PRIMA1: variants seen among roughly 807,000 people sequenced by gnomAD.
PRIMA1 encodes the protein proline rich membrane anchor 1, also known as proline-rich membrane anchor 1.
Under a neutral mutation model 17.5 loss-of-function variants are expected in PRIMA1, and 7 were observed. That is an observed-to-expected ratio of 0.40 (90% CI 0.23 to 0.75). PRIMA1 has a LOEUF of 0.75. Among genes scored for constraint, PRIMA1 ranks in the 30% least tolerant of loss-of-function variants. The pLI is 0.37. For synonymous variants in PRIMA1, 97 were observed against 77.9 expected, an observed-to-expected ratio of 1.25 and a Z score of -1.29; for missense variants, 200 against 201.8, an observed-to-expected ratio of 0.99 and a Z score of 0.05.
At chr14:93,750,256 A>G (rs1472376747) in intron 3 of PRIMA1, among the ~76,000 whole-genome samples, 1 of 152,166 alleles carries the variant, frequency 6.6e-6, no homozygotes, top group Non-Finnish European at 1.5e-5. Flanking sequence ...TTATCTGGGC[A>G]TGGTGCTGCA....
At chr14:93,747,801 G>C (rs2076230486) in intron 3 of PRIMA1, among the ~76,000 whole-genome samples, 1 of 150,218 alleles carries the variant, frequency 6.7e-6, no homozygotes, top group African/African-American at 2.4e-5. Flanking sequence ...AGAGTGTAAG[G>C]GGACTGAGTG....
chr14:93,731,639 C>A (rs2076115191), intron 4 of PRIMA1, among the ~76,000 whole-genome samples: 1 of 152,202 alleles, frequency 6.6e-6, no homozygotes, highest in African/African-American at 2.4e-5. Context: ...CCTTCTCTTC[C>A]CCATTAACCT....
intron 3 of PRIMA1, among the ~76,000 whole-genome samples, chr14:93,777,851 C>T (rs1201900077): frequency 6.6e-6 from 1 of 152,146 alleles, no homozygotes; most frequent in African/African-American, 2.4e-5. Context: ...GCTCAGTGAG[C>T]ACAAGAAGAC....
At chr14:93,749,669 G>A (rs1405749612) in intron 3 of PRIMA1, among the ~76,000 whole-genome samples, 2 of 152,208 alleles carry the variant, frequency 1.3e-5, no homozygotes, top group East Asian at 3.9e-4. Flanking sequence ...GCTCCCAATG[G>A]TATATATTAA....
chr14:93,747,743 A>AAGTGTGTGGAGTGCAAGTGTGTGGGAG (rs2076229508), intron 3 of PRIMA1, among the ~76,000 whole-genome samples: 10 of 148,260 alleles, frequency 6.7e-5, no homozygotes, highest in Admixed American at 3.4e-4. Flanking sequence ...TGCGAGTGGG[A>AAGTGTGTGGAGTGCAAGTGTGTGGGAG]AGTGTGTGGA....
In PRIMA1 at chr14:93,738,384, A is replaced by T. The variant is rs115302795; in HGVS notation, c.230-1014T>A. Among the ~76,000 whole-genome samples, 926 of 152,250 alleles carry T rather than the reference A, an allele frequency of 6.1e-3. 6 individuals are homozygous for T. Among genetic ancestry groups the T allele is most frequent in the African/African-American group, 0.021 (885 of 41,538 alleles). On this transcript the variant is annotated intron_variant, in intron 3 of 4. Transcript: ENST00000393140. ...AGGAGTGCCCAGAATTGCAAAAGGA[A>T]TGGGAGGGAGAAAGGAAGGAAGTGA...
At chr14:93,740,603 T>TG (rs1457847129) in intron 3 of PRIMA1, among the ~76,000 whole-genome samples, 1 of 152,212 alleles carries the variant, frequency 6.6e-6, no homozygotes, top group Non-Finnish European at 1.5e-5. Flanking sequence ...CTGCCACCAA[T>TG]GGTCCAGGAC....
chr14:93,724,595 G>C (rs1006321093), intron 4 of PRIMA1, among the ~76,000 whole-genome samples: 4 of 152,168 alleles, frequency 2.6e-5, no homozygotes, highest in African/African-American at 9.7e-5. Flanking sequence ...TTGTGGGGGT[G>C]ACATTTTCTT....
intron 3 of PRIMA1, among the ~76,000 whole-genome samples, chr14:93,751,461 G>T (rs144487538): frequency 2.6e-5 from 4 of 152,190 alleles, no homozygotes; most frequent in African/African-American, 7.2e-5. Context: ...CTGAGGACAG[G>T]TTCCACATCA....
At chr14:93,746,504 G>A (rs971501263) in intron 3 of PRIMA1, among the ~76,000 whole-genome samples, 1 of 152,114 alleles carries the variant, frequency 6.6e-6, no homozygotes, top group Non-Finnish European at 1.5e-5. Context: ...GAGCAGGAAG[G>A]AGGCCAGTGT....
chr14:93,781,811 C>CAA (rs111779864), intron 2 of PRIMA1, among the ~76,000 whole-genome samples: 1 of 146,088 alleles, frequency 6.8e-6, no homozygotes, highest in African/African-American at 2.5e-5. Context: ...CCTGTCTCTA[C>CAA]AAAAAAAAAA....
chr14:93,777,117 T>C (rs576587075), intron 3 of PRIMA1, among the ~76,000 whole-genome samples: 1 of 152,354 alleles, frequency 6.6e-6, no homozygotes, highest in African/African-American at 2.4e-5. Flanking sequence ...TGTAGATCAT[T>C]GTTTGGTAAA....
chr14:93,788,253 C>A (rs1415416452), intron 1 of PRIMA1, among the ~76,000 whole-genome samples, 157 bp downstream of exon 1: 1 of 152,222 alleles, frequency 6.6e-6, no homozygotes, highest in Non-Finnish European at 1.5e-5. Flanking sequence ...TGCCTGCACC[C>A]ACACTGCCCA....
chr14:93,732,770 C>A (rs556775820), intron 4 of PRIMA1, among the ~76,000 whole-genome samples: 3 of 152,190 alleles, frequency 2.0e-5, no homozygotes, highest in African/African-American at 7.2e-5. Context: ...AGAGGGAAAA[C>A]GGAGGCCACA....
rs948774183 is a variant in PRIMA1, at chr14:93,788,442, C to G, written c.-64G>C. 6.6e-6 allele frequency: 1 copy of G among 152,364 alleles called. No individual in the cohort carries two copies. The highest frequency in any genetic ancestry group is 1.5e-5 in the Non-Finnish European group (1 of 68,146). The allele number at this position is 152,364 out of a possible 1,614,324, so 9.4% of individuals were successfully genotyped here. ...GGCGGCGGCCCCAGCCGACCCTGGG[C>G]TCGGGGAAAAGAGGTCCGCGTTCCC... On this transcript the variant is annotated 5_prime_UTR_variant, in exon 1 of 5. Coordinates refer to ENST00000393140, the MANE Select transcript of PRIMA1 (RefSeq NM_178013.4).
At chr14:93,768,179 T>G (rs962995938) in intron 3 of PRIMA1, among the ~76,000 whole-genome samples, 1 of 152,138 alleles carries the variant, frequency 6.6e-6, no homozygotes, top group African/African-American at 2.4e-5. Context: ...GTGTCCCTTT[T>G]TCCACCTCAA....
chr14:93,756,506 G>A (rs2141176133), intron 3 of PRIMA1, among the ~76,000 whole-genome samples: 1 of 152,312 alleles, frequency 6.6e-6, no homozygotes, highest in South Asian at 2.1e-4. Context: ...GTGGGCAGGA[G>A]GAAAGGTCCT....
chr14:93,723,810 C>T (rs867568715), intron 4 of PRIMA1, among the ~76,000 whole-genome samples: 9 of 152,294 alleles, frequency 5.9e-5, no homozygotes, highest in East Asian at 1.9e-4. Flanking sequence ...TGCCCAAGGA[C>T]GCTCATCTGG....
intron 3 of PRIMA1, among the ~76,000 whole-genome samples, chr14:93,741,673 A>G (rs1041209250): frequency 1.3e-5 from 2 of 152,208 alleles, no homozygotes; most frequent in Admixed American, 1.3e-4. Flanking sequence ...AGAGGCACGC[A>G]TGAATTGCTA....
Sources: gnomAD v4.1 joint callset for allele counts (sites outside exome capture counted in the v4.1 genomes callset) on GRCh38, gnomAD v4.1.1 for gene constraint, MANE v1.5 for transcripts, NCBI Gene and HGNC (gene_info 2026-07-23, HGNC 2026-07-21) for gene names.